Variants in SEMA6D observed in about 807,000 individuals in gnomAD.
SEMA6D encodes the protein semaphorin-6D.
A neutral mutation model predicts 106.6 loss-of-function variants in SEMA6D; 35 were observed. That is an observed-to-expected ratio of 0.33 (90% CI 0.25 to 0.44). SEMA6D has a LOEUF of 0.44. SEMA6D is among the 20% of genes least tolerant of loss of function. The pLI, the probability that SEMA6D is intolerant of heterozygous loss-of-function variation, is 1.00. For missense variants in SEMA6D, 1,185 were observed against 1,345.9 expected (o/e 0.88, Z 1.87); for synonymous variants, 499 against 487.7 (o/e 1.02, Z -0.31).
In SEMA6D at chr15:47,239,567, C is replaced by T. The variant is rs114035222; in HGVS notation, c.-239+55149C>T. Among the ~76,000 whole-genome samples, 201 of 152,282 alleles carry T rather than the reference C, an allele frequency of 1.3e-3. 1 individual carries two copies. The highest frequency in any genetic ancestry group is 4.7e-3 in the African/African-American group (195 of 41,566). ...AGACAGGATTGAGAAACATGAAGAT[C>T]TGGAAAGAATATGGGCTTCGGAGTT... is the stretch of plus-strand genomic sequence containing the variant. On this transcript the variant is annotated intron_variant, in intron 1 of 19. Transcript: ENST00000558014.
At chr15:47,552,541 C>G (rs2045734516) in intron 3 of SEMA6D, among the ~76,000 whole-genome samples, 1 of 145,266 alleles carries the variant, frequency 6.9e-6, no homozygotes, top group Non-Finnish European at 1.5e-5. Flanking sequence ...CACACACACA[C>G]ACACACACAC....
chr15:47,372,044 A>G (rs1247878185), intron 1 of SEMA6D, among the ~76,000 whole-genome samples: 1 of 152,194 alleles, frequency 6.6e-6, no homozygotes, highest in Non-Finnish European at 1.5e-5. Context: ...GCCAACCACT[A>G]CAATGTAGTG....
Position 47,609,544 on chromosome 15 carries a change from T to G in SEMA6D, c.-55+8648T>G, listed in dbSNP as rs549521572. Among the ~76,000 whole-genome samples, 121 of 152,308 alleles carry G rather than the reference T, an allele frequency of 7.9e-4. 1 individual carries two copies. Among genetic ancestry groups the G allele is most frequent in the African/African-American group, 2.9e-3 (119 of 41,560 alleles). On this transcript the variant is annotated intron_variant, in intron 4 of 19. Coordinates refer to the SEMA6D transcript ENST00000558014. ...ACTCCCTTAAACATTTGAAGGTACA[T>G]ATACGCAGGTCTTAATTGACCCCAA...
chr15:47,546,964 C>A (rs540202608), intron 3 of SEMA6D, among the ~76,000 whole-genome samples: 1 of 152,170 alleles, frequency 6.6e-6, no homozygotes, highest in African/African-American at 2.4e-5. Context: ...TCCTAGCAGA[C>A]AGAAATAGTC....
intron 3 of SEMA6D, among the ~76,000 whole-genome samples, chr15:47,498,723 G>A (rs1410004483): frequency 1.3e-5 from 2 of 152,100 alleles, no homozygotes; most frequent in Non-Finnish European, 2.9e-5. Context: ...GGGCGCTGGA[G>A]AACATCTCAA....
chr15:47,404,179 G>A (rs1190449344), intron 1 of SEMA6D, among the ~76,000 whole-genome samples: 1 of 152,042 alleles, frequency 6.6e-6, no homozygotes, highest in African/African-American at 2.4e-5. Flanking sequence ...TTCTGTTGTC[G>A]AGATCACCCT....
intron 1 of SEMA6D, among the ~76,000 whole-genome samples, chr15:47,731,948 A>G (rs2080155399): frequency 6.6e-6 from 1 of 152,244 alleles, no homozygotes; most frequent in African/African-American, 2.4e-5. Flanking sequence ...AGACAGACGT[A>G]GGTTGGAAAC....
intron 3 of SEMA6D, among the ~76,000 whole-genome samples, chr15:47,566,573 G>C (rs1774360910): frequency 6.6e-6 from 1 of 152,208 alleles, no homozygotes; most frequent in Admixed American, 6.5e-5. Flanking sequence ...ATTTTCAAGA[G>C]CTTCTTAGAT....
At chr15:47,707,228 A>G (rs377639117) in intron 4 of SEMA6D, among the ~76,000 whole-genome samples, 2 of 152,190 alleles carry the variant, frequency 1.3e-5, no homozygotes, top group Admixed American at 6.5e-5. Flanking sequence ...CCCTAAGTTC[A>G]TTTACACTTT....
intron 1 of SEMA6D, among the ~76,000 whole-genome samples, chr15:47,383,788 C>T (rs560018621): frequency 6.6e-6 from 1 of 152,298 alleles, no homozygotes; most frequent in Admixed American, 6.5e-5. Context: ...ATAAGACTGG[C>T]ACTCAGACTC....
intron 15 of SEMA6D, 107 bp downstream of exon 15, chr15:47,766,289 T>G: frequency 1.0e-6 from 1 of 985,310 alleles, no homozygotes. Context: ...TTTTTTTTGT[T>G]GTTATGGGAG....
chr15:47,397,762 G>T (rs936860127), intron 1 of SEMA6D: 2 of 152,186 alleles, frequency 1.3e-5, no homozygotes, highest in African/African-American at 4.8e-5. Flanking sequence ...CATTGAAGAT[G>T]TTGTAACATA....
intron 1 of SEMA6D, among the ~76,000 whole-genome samples, chr15:47,347,614 A>G (rs887303710): frequency 3.3e-5 from 5 of 152,124 alleles, no homozygotes; most frequent in African/African-American, 9.7e-5. Flanking sequence ...TGTTTTTCCT[A>G]GTAAAAATCT....
rs1244570730 is a variant in SEMA6D at position 47,471,960 on chromosome 15, C to T, written c.-87+1415C>T. Among the ~76,000 whole-genome samples the T allele has an allele frequency of 2.6e-5, 4 of 151,658 alleles. No individual in the cohort carries two copies. The East Asian group carries it at 5.8e-4, about 22-fold the overall frequency. ...ACACACACACACACACACACACACA[C>T]ACACACACACACACGAAAAAGAGAA... On this transcript the variant is annotated intron_variant, in intron 3 of 19. Coordinates refer to the SEMA6D transcript ENST00000558014.
At chr15:47,510,341 C>G (rs952623618) in intron 3 of SEMA6D, among the ~76,000 whole-genome samples, 3 of 152,158 alleles carry the variant, frequency 2.0e-5, no homozygotes, top group African/African-American at 7.2e-5. Flanking sequence ...CCATCTGCCC[C>G]TGCCCCCCAG....
chr15:47,697,468 C>T (rs1362763246), intron 4 of SEMA6D, among the ~76,000 whole-genome samples: 2 of 152,162 alleles, frequency 1.3e-5, no homozygotes, highest in Non-Finnish European at 2.9e-5. Flanking sequence ...TCCTCTCCCA[C>T]TAAGAAAGGC....
chr15:47,541,491 A>G (rs755428581), intron 3 of SEMA6D, among the ~76,000 whole-genome samples: 1 of 152,184 alleles, frequency 6.6e-6, no homozygotes, highest in African/African-American at 2.4e-5. Flanking sequence ...GGACTCAGCC[A>G]AAACTGATGT....
chr15:47,251,939 G>A (rs1180733251), intron 1 of SEMA6D, among the ~76,000 whole-genome samples: 4 of 105,318 alleles, frequency 3.8e-5, no homozygotes, highest in African/African-American at 1.2e-4. Flanking sequence ...TTTTTGAGAC[G>A]GAGTCTCGCT....
At chr15:47,650,643 A>C (rs2077669223) in intron 4 of SEMA6D, among the ~76,000 whole-genome samples, 1 of 152,196 alleles carries the variant, frequency 6.6e-6, no homozygotes, top group Admixed American at 6.5e-5. Flanking sequence ...TCACAAGAAC[A>C]TTGTGACATA....
Sources: allele counts gnomAD v4.1 joint callset (sites outside exome capture counted in the v4.1 genomes callset), GRCh38; gene constraint gnomAD v4.1.1; transcripts MANE v1.5; gene names NCBI Gene and HGNC (gene_info 2026-07-23, HGNC 2026-07-21).